Variants in JAKMIP2 observed in about 807,000 individuals in gnomAD.
JAKMIP2 encodes janus kinase and microtubule-interacting protein 2.
In JAKMIP2, 25 loss-of-function variants were observed where a neutral mutation model predicts 115.0. That is an observed-to-expected ratio of 0.22 (90% CI 0.16 to 0.30). The LOEUF (loss-of-function observed/expected upper bound fraction) is 0.30, where lower values mean the gene tolerates loss of function less well. Ranked by LOEUF, JAKMIP2 falls within the 10% of genes least tolerant of loss-of-function variation. The pLI is 1.00. For synonymous variants in JAKMIP2, 334 were observed against 343.6 expected (o/e 0.97, Z 0.31); for missense variants, 642 against 957.6 (o/e 0.67, Z 4.35).
At chr5:147,691,196 C>T (rs151086699) in intron 1 of JAKMIP2, among the ~76,000 whole-genome samples, 1 of 152,280 alleles carries the variant, frequency 6.6e-6, no homozygotes, top group African/African-American at 2.4e-5. Flanking sequence ...CACTGTTACC[C>T]ATAAACCACT....
Position 147,587,427 on chromosome 5 carries a change from TG to T in JAKMIP2, c.*4279del, listed in dbSNP as rs1321442380. The T allele has an allele frequency of 1.1e-4, 16 of 152,062 alleles. No individual in the cohort carries two copies. The highest frequency in any genetic ancestry group is 3.1e-4 in the African/African-American group (13 of 41,382). The allele number at this position is 152,062 out of a possible 1,614,324, so 9.4% of individuals were successfully genotyped here. On this transcript the variant is annotated 3_prime_UTR_variant, in exon 22 of 22. Coordinates refer to ENST00000616793, the MANE Select transcript of JAKMIP2 (RefSeq NM_001270941.2). ...ATTTCTATTGCTCTGTGTGTGTGTGTGTGTGTGTGTGTGTTTGTGTGTGTAT... is the reference window on the plus strand; with the variant it reads ...ATTTCTATTGCTCTGTGTGTGTGTGTTGTGTGTGTGTGTTTGTGTGTGTAT...
intron 7 of JAKMIP2, 127 bp from the exon 8 acceptor site, chr5:147,641,891 A>T: frequency 1.4e-6 from 1 of 739,910 alleles, no homozygotes; most frequent in Non-Finnish European, 2.2e-6. Context: ...TTGTTTTTTA[A>T]ATTTTGGCAA....
chr5:147,779,998 T>C (rs1327520097), intron 1 of JAKMIP2, among the ~76,000 whole-genome samples: 1 of 152,166 alleles, frequency 6.6e-6, no homozygotes, highest in Non-Finnish European at 1.5e-5. Context: ...ACATTTGAGG[T>C]TCCAAAAAAT....
At position 147,671,056 on chromosome 5, in the gene JAKMIP2, G is replaced by C. The variant is rs139113542; in HGVS notation, c.129+622C>G. 1.3e-4 allele frequency among the ~76,000 whole-genome samples: 20 copies of C among 152,350 alleles called. No individual in the cohort carries two copies. In the South Asian group the frequency reaches 1.7e-3, roughly 13 times the overall value. ...GGTTGAGCAGACATCTGAAAGAGGT[G>C]AGTGAAGGAGCATGGAGCTGTCCAG... On this transcript the variant is annotated intron_variant, in intron 2 of 21. Transcript: ENST00000616793.
At chr5:147,671,639 C>A in intron 2 of JAKMIP2, 39 bp downstream of exon 2, 2 of 1,362,288 alleles carry the variant, frequency 1.5e-6, no homozygotes, top group Non-Finnish European at 1.9e-6. Context: ...ACAGCCAGAG[C>A]TGCTCTTAAT....
At position 147,587,890 on chromosome 5, in the gene JAKMIP2, C is replaced by T. The variant is rs1457160549; in HGVS notation, c.*3817G>A. 6.6e-6 allele frequency: 1 copy of T among 150,838 alleles called. No individual in the cohort carries two copies. Among genetic ancestry groups the T allele is most frequent in the Non-Finnish European group, 1.5e-5 (1 of 67,888 alleles). The allele number at this position is 150,838 out of a possible 1,614,324, so 9.3% of individuals were successfully genotyped here. ...ATAACCCAGGCCTTCTATATCAGCT[C>T]TACCTTATGGACTTGGGAAGACACA... On this transcript the variant is annotated 3_prime_UTR_variant, in exon 22 of 22. Coordinates refer to ENST00000616793, the MANE Select transcript of JAKMIP2 (RefSeq NM_001270941.2).
intron 1 of JAKMIP2, among the ~76,000 whole-genome samples, chr5:147,777,526 G>C (rs933169489): frequency 1.3e-5 from 2 of 152,128 alleles, no homozygotes; most frequent in Non-Finnish European, 2.9e-5. Context: ...AATGCTAACA[G>C]TAATGATTTC....
chr5:147,720,917 G>C (rs1432929263), intron 1 of JAKMIP2, among the ~76,000 whole-genome samples: 11 of 152,308 alleles, frequency 7.2e-5, no homozygotes, highest in Admixed American at 5.9e-4. Flanking sequence ...TGGAGGAGGA[G>C]AGGCGCTCTG....
At position 147,719,772 on chromosome 5, in the gene JAKMIP2, A is replaced by G. The variant is rs998104200; in HGVS notation, c.-148-47818T>C. Among the ~76,000 whole-genome samples, 957 of 151,806 alleles carry G rather than the reference A, an allele frequency of 6.3e-3. 9 individuals are homozygous for G. Among genetic ancestry groups the G allele is most frequent in the South Asian group, 0.014 (65 of 4,772 alleles). On this transcript the variant is annotated intron_variant, in intron 1 of 21. Transcript: ENST00000616793. ...CATGTGAGATGGGTTTCCTGAACAC[A>G]GCACACTGATGGGTCTTGACTCTTT... is the stretch of plus-strand genomic sequence containing the variant.
At chr5:147,756,133 A>G (rs2127034479) in intron 1 of JAKMIP2, among the ~76,000 whole-genome samples, 1 of 152,314 alleles carries the variant, frequency 6.6e-6, no homozygotes, top group East Asian at 1.9e-4. Context: ...TAATAGTTTG[A>G]CTATAATGAA....
intron 7 of JAKMIP2, among the ~76,000 whole-genome samples, chr5:147,642,321 T>G (rs1345139182): frequency 6.6e-6 from 1 of 152,156 alleles, no homozygotes; most frequent in Non-Finnish European, 1.5e-5. Context: ...TTAAAAAATT[T>G]TCTGGGAATC....
intron 16 of JAKMIP2, among the ~76,000 whole-genome samples, chr5:147,627,066 T>C (rs1452136648): frequency 6.6e-6 from 1 of 152,148 alleles, no homozygotes; most frequent in Non-Finnish European, 1.5e-5. Flanking sequence ...TGGACTAGTG[T>C]GAAAAGCTAG....
intron 1 of JAKMIP2, among the ~76,000 whole-genome samples, chr5:147,765,905 ATC>A (rs1372273074): frequency 6.6e-6 from 1 of 152,096 alleles, no homozygotes; most frequent in Non-Finnish European, 1.5e-5. Context: ...CCATTTTTTA[ATC>A]TGTGATACTT....
intron 1 of JAKMIP2, among the ~76,000 whole-genome samples, chr5:147,733,576 T>C (rs1661779633): frequency 6.6e-6 from 1 of 152,294 alleles, no homozygotes; most frequent in Admixed American, 6.5e-5. Flanking sequence ...CAACCCATCA[T>C]TTACATTAGG....
intron 1 of JAKMIP2, among the ~76,000 whole-genome samples, chr5:147,697,608 G>A (rs538137807): frequency 2.0e-5 from 3 of 152,338 alleles, no homozygotes; most frequent in South Asian, 4.1e-4. Context: ...TGGGGACTTG[G>A]AGCCCTGCAT....
chr5:147,780,280 CA>C (rs1419273323), intron 1 of JAKMIP2, among the ~76,000 whole-genome samples: 1 of 152,038 alleles, frequency 6.6e-6, no homozygotes, highest in Non-Finnish European at 1.5e-5. Context: ...AGGCTATCTA[CA>C]AGGAGTTTTA....
chr5:147,621,876 T>G lies in JAKMIP2; in HGVS notation c.2065-1133A>C, dbSNP rs921360567. 4.6e-5 allele frequency among the ~76,000 whole-genome samples: 7 copies of G among 151,902 alleles called. No homozygotes were observed. In the South Asian group the frequency reaches 1.0e-3, roughly 23 times the overall value. ...TCATAATCTTGTTATAAATTTCTGT[T>G]TTTTTTTTGAGACAGAGCTTCGCTC... On this transcript the variant is annotated intron_variant, in intron 17 of 21. Coordinates refer to ENST00000616793, the MANE Select transcript of JAKMIP2 (RefSeq NM_001270941.2).
At position 147,620,738 on chromosome 5, in the gene JAKMIP2, C is replaced by T; in HGVS notation, c.2070G>A (p.Gln690=). 5.0e-6 allele frequency: 8 copies of T among 1,612,718 alleles called. No individual in the cohort carries two copies. The highest frequency in any genetic ancestry group is 6.8e-6 in the Non-Finnish European group (8 of 1,178,940). The stretch of plus-strand genomic sequence containing the variant: ...CCAGATAGCCTTTTATTTTGCAGAA[C>T]TGTTCCTATAACAAAGGGCCATATT... ...KMMELESDME[Q]FCKIKGYLEE... is the part of the protein sequence containing the mutation. Residue 690 remains glutamine, a synonymous_variant, in exon 18 of 22, where the codon CAG becomes CAA. Coordinates refer to ENST00000616793, the MANE Select transcript of JAKMIP2 (RefSeq NM_001270941.2).
intron 1 of JAKMIP2, among the ~76,000 whole-genome samples, chr5:147,678,639 A>T (rs1034367655): frequency 6.6e-6 from 1 of 152,150 alleles, no homozygotes; most frequent in Non-Finnish European, 1.5e-5. Context: ...ACATCAAATC[A>T]ATTTATAAGT....
Sources: allele counts gnomAD v4.1 joint callset (sites outside exome capture counted in the v4.1 genomes callset), GRCh38; gene constraint gnomAD v4.1.1; transcripts MANE v1.5; gene names NCBI Gene and HGNC (gene_info 2026-07-23, HGNC 2026-07-21).